The following ATP10A variants were observed in gnomAD, a reference collection of about 807,000 sequenced individuals.
ATP10A encodes the protein ATPase phospholipid transporting 10A (putative), also known as phospholipid-transporting ATPase VA.
ATP10A carries 111 observed loss-of-function variants against 147.8 expected under a neutral mutation model. That is an observed-to-expected ratio of 0.75 (90% confidence interval 0.64 to 0.88). The LOEUF is 0.88. Ranked by LOEUF, ATP10A falls within the 40% of genes least tolerant of loss-of-function variation. The pLI, the probability that ATP10A is intolerant of heterozygous loss-of-function variation, is 0.00. For missense variants in ATP10A, 1,927 were observed against 1,959.0 expected, an observed-to-expected ratio of 0.98 and a Z score of 0.31; for synonymous variants, 875 against 841.6, an observed-to-expected ratio of 1.04 and a Z score of -0.69.
chr15:25,789,630 AAAGACCAAAC>A (rs1890322441), intron 1 of ATP10A, among the ~76,000 whole-genome samples: 1 of 151,800 alleles, frequency 6.6e-6, no homozygotes, highest in African/African-American at 2.4e-5. Context: ...ATCACTTAAA[AAAGACCAAAC>A]AAGACTCTAA....
chr15:25,682,451 C>T (rs1899473620), intron 17 of ATP10A, among the ~76,000 whole-genome samples: 1 of 152,202 alleles, frequency 6.6e-6, no homozygotes, highest in Non-Finnish European at 1.5e-5. Flanking sequence ...GGAAGGAGCT[C>T]TGGCTGAGCA....
chr15:25,794,573 A>G (rs2140757026), intron 1 of ATP10A, among the ~76,000 whole-genome samples: 1 of 152,310 alleles, frequency 6.6e-6, no homozygotes. Context: ...CCATGGAGAC[A>G]TGATTTCCCT....
chr15:25,770,214 G>GGGAGGGGCCCCACCC (rs917966437), intron 2 of ATP10A, among the ~76,000 whole-genome samples: 6 of 151,220 alleles, frequency 4.0e-5, no homozygotes, highest in Non-Finnish European at 8.8e-5. Context: ...GGGCGAGGTG[G>GGGAGGGGCCCCACCC]GGAGGGGCCC....
intron 12 of ATP10A, among the ~76,000 whole-genome samples, chr15:25,706,812 G>A (rs529881574): frequency 6.6e-6 from 1 of 152,198 alleles, no homozygotes; most frequent in Non-Finnish European, 1.5e-5. Flanking sequence ...ACAGTGAAGG[G>A]TTAAAAACAA....
intron 1 of ATP10A, among the ~76,000 whole-genome samples, chr15:25,852,744 G>T (rs1893350327): frequency 6.6e-6 from 1 of 152,180 alleles, no homozygotes; most frequent in Non-Finnish European, 1.5e-5. Flanking sequence ...ACTATGGTGT[G>T]TTCTTCAAGC....
At chr15:25,762,696 C>T (rs1189600932) in intron 2 of ATP10A, among the ~76,000 whole-genome samples, 2 of 152,192 alleles carry the variant, frequency 1.3e-5, no homozygotes, top group Non-Finnish European at 2.9e-5. Context: ...ATCCTCCAGC[C>T]TCAGCCTCCT....
chr15:25,682,504 A>G (rs1352195083), intron 17 of ATP10A, among the ~76,000 whole-genome samples: 1 of 152,080 alleles, frequency 6.6e-6, no homozygotes, highest in Non-Finnish European at 1.5e-5. Flanking sequence ...GGGCCACTTA[A>G]TTCCACAGGA....
intron 12 of ATP10A, among the ~76,000 whole-genome samples, chr15:25,705,958 G>C (rs1567316084): frequency 6.6e-6 from 1 of 152,198 alleles, no homozygotes; most frequent in Non-Finnish European, 1.5e-5. Context: ...CGTGCACCTG[G>C]AGGGAAGGAA....
intron 2 of ATP10A, among the ~76,000 whole-genome samples, chr15:25,741,831 T>C (rs1200435257): frequency 1.3e-5 from 2 of 152,208 alleles, no homozygotes; most frequent in Non-Finnish European, 1.5e-5. Context: ...TAGTGGGTAC[T>C]CAATCAGTTA....
chr15:25,747,382 A>T (rs1415071588), intron 2 of ATP10A, among the ~76,000 whole-genome samples: 1 of 151,962 alleles, frequency 6.6e-6, no homozygotes, highest in African/African-American at 2.4e-5. Context: ...TTAATAGTCT[A>T]CTTGACTATA....
At chr15:25,830,274 A>G (rs554193296) in intron 1 of ATP10A, among the ~76,000 whole-genome samples, 1 of 152,258 alleles carries the variant, frequency 6.6e-6, no homozygotes. Flanking sequence ...CTCAGAGGCC[A>G]GGCTCCACTC....
intron 2 of ATP10A, among the ~76,000 whole-genome samples, chr15:25,736,846 G>A (rs1286697387): frequency 1.3e-5 from 2 of 152,158 alleles, no homozygotes; most frequent in African/African-American, 4.8e-5. Flanking sequence ...CTCTGGTCAG[G>A]CCTGGCATTC....
intron 14 of ATP10A, among the ~76,000 whole-genome samples, chr15:25,693,019 GT>G (rs548146214): frequency 6.2e-4 from 92 of 148,068 alleles, no homozygotes; most frequent in African/African-American, 1.7e-3. Context: ...TGCCCCAGCA[GT>G]TTTTTTTTTC....
chr15:25,793,019 C>CGCCACCATGCCCA (rs1343038415), intron 1 of ATP10A, among the ~76,000 whole-genome samples: 1 of 151,440 alleles, frequency 6.6e-6, no homozygotes, highest in Non-Finnish European at 1.5e-5. Flanking sequence ...TACAGGCATG[C>CGCCACCATGCCCA]GCCACCATGC....
At chr15:25,730,166 T>A (rs977394163) in intron 3 of ATP10A, among the ~76,000 whole-genome samples, 1 of 146,818 alleles carries the variant, frequency 6.8e-6, no homozygotes. Context: ...CCAGGCATGG[T>A]GGTACACACC....
intron 1 of ATP10A, among the ~76,000 whole-genome samples, chr15:25,836,962 A>G (rs1892624695): frequency 6.6e-6 from 1 of 152,228 alleles, no homozygotes; most frequent in Admixed American, 6.5e-5. Flanking sequence ...AAAAATTATT[A>G]TATACATATA....
chr15:25,705,673 T>C (rs4906751), intron 12 of ATP10A, among the ~76,000 whole-genome samples: 14,544 of 152,136 alleles, frequency 0.096, 764 homozygotes, highest in African/African-American at 0.12. Context: ...CAGGAGATGG[T>C]AAGTGGTTAA....
chr15:25,724,669 A>T (rs1902437455), intron 5 of ATP10A, among the ~76,000 whole-genome samples: 1 of 152,228 alleles, frequency 6.6e-6, no homozygotes, highest in African/African-American at 2.4e-5. Flanking sequence ...TGAAGTTCCC[A>T]TTAGTAACAT....
At chr15:25,797,827 C>T (rs528574816) in intron 1 of ATP10A, among the ~76,000 whole-genome samples, 24 of 152,208 alleles carry the variant, frequency 1.6e-4, no homozygotes, top group Admixed American at 9.2e-4. Flanking sequence ...TTACCCTCCA[C>T]GTGCCAGCAC....
Sources: gnomAD v4.1 joint callset for allele counts (sites outside exome capture counted in the v4.1 genomes callset) on GRCh38, gnomAD v4.1.1 for gene constraint, MANE v1.5 for transcripts, NCBI Gene and HGNC (gene_info 2026-07-23, HGNC 2026-07-21) for gene names.